Variants in FMN2 observed in about 807,000 individuals in gnomAD.
The protein encoded by FMN2 is formin-2.
In FMN2, 51 loss-of-function variants were observed where a neutral mutation model predicts 142.3. That is an observed-to-expected ratio of 0.36 (90% confidence interval 0.29 to 0.45). The LOEUF (loss-of-function observed/expected upper bound fraction) is 0.45, where lower values mean the gene tolerates loss of function less well. FMN2 is among the 20% of genes least tolerant of loss of function. The probability of loss-of-function intolerance (pLI) is 1.00; values close to 1 mark genes in which losing one functional copy is unlikely to be tolerated. For synonymous variants in FMN2, 882 were observed against 869.8 expected (o/e 1.01, Z -0.25); for missense variants, 1,936 against 2,122.8 (o/e 0.91, Z 1.73).
At chr1:240,329,589 A>C in intron 10 of FMN2, 121 bp downstream of exon 10, 2 of 1,304,232 alleles carry the variant, frequency 1.5e-6, no homozygotes, top group South Asian at 2.9e-5. Context: ...GAAGGATCGC[A>C]GTCCCACAGA....
chr1:240,101,709 A>ATTTT (rs776711940), intron 1 of FMN2, among the ~76,000 whole-genome samples: 1 of 137,890 alleles, frequency 7.3e-6, no homozygotes, highest in South Asian at 2.3e-4. Flanking sequence ...TGCCTGGCTA[A>ATTTT]TTTTTTTTTT....
At chr1:240,342,158 T>C (rs1458882986) in intron 13 of FMN2, among the ~76,000 whole-genome samples, 1 of 152,206 alleles carries the variant, frequency 6.6e-6, no homozygotes, top group Middle Eastern at 3.2e-3. Flanking sequence ...CAAGGAGATA[T>C]TTACATTTTT....
intron 2 of FMN2, chr1:240,171,172 T>A: frequency 1.1e-6 from 1 of 870,676 alleles, no homozygotes; most frequent in Non-Finnish European, 2.0e-6. Flanking sequence ...GGTATCTGAA[T>A]ATGTGTCTAA....
chr1:240,127,974 G>T lies in FMN2; in HGVS notation c.1782+4629G>T, dbSNP rs143990308. Among the ~76,000 whole-genome samples the T allele has an allele frequency of 3.3e-4, 51 of 152,296 alleles. 1 individual carries two copies. The East Asian group carries it at 6.8e-3, about 20-fold the overall frequency. On this transcript the variant is annotated intron_variant, in intron 2 of 17. Coordinates refer to ENST00000319653, the MANE Select transcript of FMN2 (RefSeq NM_020066.5). ...GGCTGATGGGACTTCTGGTGGGGCA[G>T]ACATGGCGACAAGAGAACACAAGGA...
At chr1:240,228,213 G>A (rs1034548112) in intron 6 of FMN2, among the ~76,000 whole-genome samples, 1 of 143,488 alleles carries the variant, frequency 7.0e-6, no homozygotes, top group African/African-American at 2.5e-5. Context: ...TGAAGCAGGA[G>A]AATCGCTTGA....
chr1:240,284,898 A>G (rs540411138), intron 7 of FMN2, among the ~76,000 whole-genome samples: 129 of 152,174 alleles, frequency 8.5e-4, no homozygotes, highest in African/African-American at 2.1e-3. Context: ...ACGTGATTCT[A>G]TGGTTTTTGT....
intron 4 of FMN2, among the ~76,000 whole-genome samples, chr1:240,202,027 T>C (rs1040061320): frequency 6.6e-6 from 1 of 152,214 alleles, no homozygotes; most frequent in Non-Finnish European, 1.5e-5. Context: ...TTTCAGACCT[T>C]AACTGCTAAC....
Position 240,433,989 on chromosome 1 carries a change from T to C in FMN2, c.4911-4072T>C, listed in dbSNP as rs113135083. 5.7e-3 allele frequency among the ~76,000 whole-genome samples: 861 copies of C among 152,320 alleles called. 6 individuals are homozygous for C. Among genetic ancestry groups the C allele is most frequent in the Non-Finnish European group, 0.01 (691 of 68,024 alleles). ...TTCTGTAGCTATCATTTTAGAGCTCTGCAGGTACCTCGATTCCATTGCAGA... is the reference window on the plus strand; with the variant it reads ...TTCTGTAGCTATCATTTTAGAGCTCCGCAGGTACCTCGATTCCATTGCAGA... On this transcript the variant is annotated intron_variant, in intron 15 of 17. Coordinates refer to ENST00000319653, the MANE Select transcript of FMN2 (RefSeq NM_020066.5).
intron 2 of FMN2, among the ~76,000 whole-genome samples, chr1:240,139,575 A>G (rs1663092090): frequency 6.6e-6 from 1 of 152,232 alleles, no homozygotes; most frequent in Non-Finnish European, 1.5e-5. Flanking sequence ...AGACAAAAAA[A>G]CAAGATATTT....
In FMN2 at chr1:240,159,968, T is replaced by TACACAC. The variant is rs1420883044; in HGVS notation, c.1783-17952_1783-17951insCACACA. On this transcript the variant is annotated intron_variant, in intron 2 of 17. Coordinates refer to ENST00000319653, the MANE Select transcript of FMN2 (RefSeq NM_020066.5). ...ATATATATCTATATCTGTGTATATA[T>TACACAC]ATATATACACACACACACACACACA... 6.2e-3 allele frequency among the ~76,000 whole-genome samples: 693 copies of TACACAC among 111,130 alleles called. 13 individuals are homozygous for TACACAC. Among genetic ancestry groups the TACACAC allele is most frequent in the African/African-American group, 0.028 (657 of 23,588 alleles). 72.9% of individuals were successfully genotyped at this position (111,130 alleles called of 152,430 possible). A position where few individuals can be genotyped will look rare whatever the true frequency, so the allele number is the denominator to read the frequency against.
chr1:240,416,141 T>A (rs1368221676), intron 15 of FMN2, among the ~76,000 whole-genome samples: 1 of 152,156 alleles, frequency 6.6e-6, no homozygotes, highest in Non-Finnish European at 1.5e-5. Flanking sequence ...ATCTGGATAC[T>A]TCTCTCTCCT....
chr1:240,369,968 T>G (rs1473834080), intron 14 of FMN2, among the ~76,000 whole-genome samples: 3 of 152,036 alleles, frequency 2.0e-5, no homozygotes, highest in Non-Finnish European at 4.4e-5. Context: ...AAGCTACTGG[T>G]GAGGTGGATG....
intron 2 of FMN2, among the ~76,000 whole-genome samples, chr1:240,167,584 G>A (rs1041891454): frequency 2.6e-5 from 4 of 152,076 alleles, no homozygotes; most frequent in African/African-American, 4.8e-5. Context: ...TTATTTAAAA[G>A]CCAACCATAG....
intron 3 of FMN2, among the ~76,000 whole-genome samples, chr1:240,184,752 G>A (rs188973560): frequency 5.3e-5 from 8 of 152,012 alleles, no homozygotes; most frequent in South Asian, 2.1e-4. Flanking sequence ...TGTTGGGAAC[G>A]TGGGAGTCGG....
chr1:240,261,639 A>G (rs1039700598), intron 7 of FMN2, among the ~76,000 whole-genome samples: 6 of 152,186 alleles, frequency 3.9e-5, no homozygotes, highest in African/African-American at 1.4e-4. Context: ...ATTTGAATAC[A>G]GGTTATTTCC....
At chr1:240,143,937 A>C in intron 2 of FMN2, 1 of 1,491,300 alleles carries the variant, frequency 6.7e-7, no homozygotes. Flanking sequence ...CCAAAGATGG[A>C]ACCAAGTCTC....
chr1:240,339,528 TA>T (rs1436778352), intron 13 of FMN2, among the ~76,000 whole-genome samples: 8 of 151,954 alleles, frequency 5.3e-5, no homozygotes, highest in Admixed American at 3.3e-4. Flanking sequence ...AAAAAAAATT[TA>T]AAAAAAATTT....
intron 16 of FMN2, among the ~76,000 whole-genome samples, chr1:240,461,585 A>G (rs556211466): frequency 2.1e-4 from 32 of 152,336 alleles, no homozygotes; most frequent in African/African-American, 6.7e-4. Context: ...CAAGTCATCT[A>G]TTCAAATCTA....
At chr1:240,433,649 T>G in intron 15 of FMN2, among the ~76,000 whole-genome samples, 1 of 152,208 alleles carries the variant, frequency 6.6e-6, no homozygotes, top group East Asian at 1.9e-4. Context: ...ATGCATTCAA[T>G]TGTGTAAAAC....
Sources: allele counts gnomAD v4.1 joint callset (sites outside exome capture counted in the v4.1 genomes callset), GRCh38; gene constraint gnomAD v4.1.1; transcripts MANE v1.5; gene names NCBI Gene and HGNC (gene_info 2026-07-23, HGNC 2026-07-21).